PCDH9: variants seen among roughly 807,000 people sequenced by gnomAD.
The protein encoded by PCDH9 is protocadherin 9, also known as protocadherin-9.
Under a neutral mutation model 70.6 loss-of-function variants are expected in PCDH9, and 24 were observed. That is an observed-to-expected ratio of 0.34 (90% CI 0.25 to 0.48). The LOEUF (loss-of-function observed/expected upper bound fraction) is 0.48. Among genes scored for constraint, PCDH9 ranks in the 20% least tolerant of loss-of-function variants. The pLI, the probability that PCDH9 is intolerant of heterozygous loss-of-function variation, is 0.99. For missense variants in PCDH9, 1,281 were observed against 1,503.6 expected (o/e 0.85, Z 2.45); for synonymous variants, 562 against 558.5 (o/e 1.01, Z -0.09).
chr13:66,464,261 G>A (rs1443527859), intron 4 of PCDH9, among the ~76,000 whole-genome samples: 3 of 151,470 alleles, frequency 2.0e-5, no homozygotes, highest in African/African-American at 7.3e-5. Context: ...CCACAGCTTC[G>A]TGGTGTGATC....
chr13:66,834,947 T>C (rs2080991309), intron 3 of PCDH9, among the ~76,000 whole-genome samples: 1 of 152,190 alleles, frequency 6.6e-6, no homozygotes, highest in African/African-American at 2.4e-5. Context: ...TCAGAAAATA[T>C]CTATCTAGTT....
intron 4 of PCDH9, among the ~76,000 whole-genome samples, chr13:66,384,740 A>G (rs887619880): frequency 6.6e-6 from 1 of 152,106 alleles, no homozygotes; most frequent in Non-Finnish European, 1.5e-5. Context: ...TCTTGGCTCA[A>G]TACAACCTCC....
At chr13:66,788,229 T>A (rs1344948095) in intron 3 of PCDH9, among the ~76,000 whole-genome samples, 1 of 152,158 alleles carries the variant, frequency 6.6e-6, no homozygotes, top group Non-Finnish European at 1.5e-5. Context: ...AAGGTCTTCC[T>A]TAAGCCCTTT....
intron 2 of PCDH9, among the ~76,000 whole-genome samples, chr13:67,033,247 T>TC (rs2084941920): frequency 1.3e-5 from 2 of 152,164 alleles, no homozygotes; most frequent in Non-Finnish European, 2.9e-5. Context: ...TTTTTCATAA[T>TC]TAGTGCTCTG....
At chr13:66,355,758 G>T (rs1232865503) in intron 4 of PCDH9, among the ~76,000 whole-genome samples, 4 of 152,134 alleles carry the variant, frequency 2.6e-5, no homozygotes, top group East Asian at 1.9e-4. Context: ...GCTCACAGGG[G>T]CCTAACTTTG....
intron 2 of PCDH9, among the ~76,000 whole-genome samples, chr13:66,920,745 C>A (rs1026142075): frequency 6.6e-6 from 1 of 151,166 alleles, no homozygotes; most frequent in Non-Finnish European, 1.5e-5. Context: ...TACTCCAAAT[C>A]AATTATATCG....
intron 3 of PCDH9, among the ~76,000 whole-genome samples, chr13:66,849,309 T>C (rs1000256853): frequency 6.6e-6 from 1 of 151,968 alleles, no homozygotes; most frequent in Non-Finnish European, 1.5e-5. Flanking sequence ...TAGGTTGCAA[T>C]ACATTCTTCT....
At chr13:66,683,150 A>C (rs2078351277) in intron 3 of PCDH9, among the ~76,000 whole-genome samples, 1 of 152,162 alleles carries the variant, frequency 6.6e-6, no homozygotes, top group Non-Finnish European at 1.5e-5. Context: ...CCCACAATCA[A>C]GGAGGCTTCA....
intron 3 of PCDH9, among the ~76,000 whole-genome samples, chr13:66,800,393 G>A (rs545290951): frequency 6.6e-6 from 1 of 152,112 alleles, no homozygotes; most frequent in Admixed American, 6.6e-5. Context: ...ACCCCCACTA[G>A]CAATCATTTT....
intron 2 of PCDH9, among the ~76,000 whole-genome samples, chr13:67,029,670 A>T (rs1040993094): frequency 6.6e-6 from 1 of 152,218 alleles, no homozygotes; most frequent in Non-Finnish European, 1.5e-5. Flanking sequence ...TTATGGAACT[A>T]AGCTTATTCA....
chr13:66,631,423 A>C lies in PCDH9; in HGVS notation c.3139-12T>G, dbSNP rs1417417928. On this transcript the variant is annotated splice_polypyrimidine_tract_variant and intron_variant, in intron 3 of 4. Coordinates refer to ENST00000377865, the MANE Select transcript of PCDH9 (RefSeq NM_203487.3). ...ACACGGCGCTGCGACTACAAAGAAGACCACAGGACATGCTGATTAACACTC... is the reference window on the plus strand; with the variant it reads ...ACACGGCGCTGCGACTACAAAGAAGCCCACAGGACATGCTGATTAACACTC... 1.3e-6 allele frequency: 2 copies of C among 1,526,336 alleles called. No homozygotes were observed. Among genetic ancestry groups the C allele is most frequent in the Non-Finnish European group, 1.8e-6 (2 of 1,100,842 alleles). The allele number at this position is 1,526,336 out of a possible 1,614,324, so 94.5% of individuals were successfully genotyped here.
At chr13:66,722,544 G>C (rs1484459537) in intron 3 of PCDH9, among the ~76,000 whole-genome samples, 1 of 152,164 alleles carries the variant, frequency 6.6e-6, no homozygotes, top group Non-Finnish European at 1.5e-5. Context: ...AGGCCAAGTA[G>C]AGTTACTTCC....
chr13:66,970,765 G>A (rs1184854865), intron 2 of PCDH9, among the ~76,000 whole-genome samples: 2 of 151,898 alleles, frequency 1.3e-5, no homozygotes, highest in Non-Finnish European at 2.9e-5. Context: ...AGGGCAGTAG[G>A]AGTGTTTCTG....
chr13:66,782,382 AT>A (rs1258093323), intron 3 of PCDH9, among the ~76,000 whole-genome samples: 2 of 152,122 alleles, frequency 1.3e-5, no homozygotes, highest in Non-Finnish European at 2.9e-5. Flanking sequence ...AGATTGATTG[AT>A]TTTTTTCAAT....
chr13:66,365,355 G>T (rs562499854), intron 4 of PCDH9, among the ~76,000 whole-genome samples: 5 of 152,264 alleles, frequency 3.3e-5, no homozygotes, highest in African/African-American at 1.2e-4. Context: ...TAAACAGTTG[G>T]TTCTCTCCTT....
At chr13:67,107,566 T>C (rs960363719) in intron 2 of PCDH9, among the ~76,000 whole-genome samples, 3 of 152,134 alleles carry the variant, frequency 2.0e-5, no homozygotes, top group African/African-American at 7.2e-5. Flanking sequence ...CAACTGGACA[T>C]TGTTGGGAGG....
chr13:66,364,379 A>G (rs912059929), intron 4 of PCDH9, among the ~76,000 whole-genome samples: 4 of 152,176 alleles, frequency 2.6e-5, no homozygotes, highest in Admixed American at 6.5e-5. Flanking sequence ...TATATGATCA[A>G]TTGGAAACCT....
intron 4 of PCDH9, among the ~76,000 whole-genome samples, chr13:66,599,051 T>G (rs1402122372): frequency 6.6e-6 from 1 of 151,830 alleles, no homozygotes; most frequent in Non-Finnish European, 1.5e-5. Flanking sequence ...TAACTAGAAA[T>G]TTAGAGTTAT....
chr13:67,220,342 C>T (rs913868499), intron 2 of PCDH9: 2 of 151,758 alleles, frequency 1.3e-5, no homozygotes, highest in Non-Finnish European at 2.9e-5. Flanking sequence ...ATTTTACACA[C>T]ATCAATATGA....
Sources: allele counts gnomAD v4.1 joint callset (sites outside exome capture counted in the v4.1 genomes callset), GRCh38; gene constraint gnomAD v4.1.1; transcripts MANE v1.5; gene names NCBI Gene and HGNC (gene_info 2026-07-23, HGNC 2026-07-21).